FMO5: variants seen among roughly 807,000 people sequenced by gnomAD.
The protein encoded by FMO5 is flavin-containing monooxygenase 5.
FMO5 carries 51 observed loss-of-function variants against 43.6 expected under a neutral mutation model. The ratio of observed to expected loss-of-function variants is 1.17; its 90% CI spans 0.93 to 1.48. The LOEUF is 1.48. Ranked by LOEUF, FMO5 falls within the 40% of genes most tolerant of loss-of-function variation. The probability of loss-of-function intolerance (pLI) is 0.00; values close to 1 mark genes in which losing one functional copy is unlikely to be tolerated. For synonymous variants in FMO5, 187 were observed against 216.5 expected (o/e 0.86, Z 1.20); for missense variants, 644 against 643.0 (o/e 1.00, Z -0.02).
intron 7 of FMO5, among the ~76,000 whole-genome samples, chr1:147,194,336 C>CT (rs1243798991): frequency 6.6e-6 from 1 of 151,920 alleles, no homozygotes; most frequent in Non-Finnish European, 1.5e-5. Context: ...CAACCCCTGC[C>CT]TTTTTTTGTT....
At chr1:147,219,789 G>A (rs1188350236) in intron 2 of FMO5, among the ~76,000 whole-genome samples, 2 of 149,860 alleles carry the variant, frequency 1.3e-5, no homozygotes, top group Non-Finnish European at 3.0e-5. Context: ...GAGTCAACAA[G>A]TGAGTACAGC....
At chr1:147,220,057 C>T (rs782369041) in intron 2 of FMO5, among the ~76,000 whole-genome samples, 9 of 152,102 alleles carry the variant, frequency 5.9e-5, no homozygotes, top group Non-Finnish European at 2.9e-5. Flanking sequence ...CCAGGCTGGT[C>T]TCGATCTCCT....
chr1:147,208,156 T>TCTATTA (rs1660419692), intron 6 of FMO5, among the ~76,000 whole-genome samples: 1 of 152,332 alleles, frequency 6.6e-6, no homozygotes, highest in African/African-American at 2.4e-5. Context: ...GAGTGTTATT[T>TCTATTA]CTATTACTAT....
At chr1:147,225,135 TG>T in intron 1 of FMO5, 69 bp from the exon 2 acceptor site, 1 of 1,576,104 alleles carries the variant, frequency 6.3e-7, no homozygotes, top group South Asian at 1.2e-5. Flanking sequence ...ACCTTGGCCG[TG>T]GCATTCGAAT....
intron 6 of FMO5, chr1:147,204,206 G>A: frequency 2.2e-6 from 3 of 1,380,450 alleles, no homozygotes; most frequent in Non-Finnish European, 3.1e-6. Flanking sequence ...AAAAGGACAA[G>A]AGTACACTGC....
chr1:147,211,520 C>T (rs1553923730), intron 5 of FMO5: 1 of 152,116 alleles, frequency 6.6e-6, no homozygotes, highest in Non-Finnish European at 1.5e-5. Flanking sequence ...AGTCATTTAA[C>T]AGAATTGTAG....
chr1:147,219,533 A>T (rs1323083083), intron 2 of FMO5, among the ~76,000 whole-genome samples: 4 of 152,170 alleles, frequency 2.6e-5, no homozygotes, highest in Admixed American at 6.5e-5. Context: ...ATCATACTTA[A>T]CAGTGAGAAA....
intron 6 of FMO5, among the ~76,000 whole-genome samples, chr1:147,202,128 C>T (rs1423529935): frequency 1.3e-5 from 2 of 152,086 alleles, no homozygotes; most frequent in African/African-American, 4.8e-5. Context: ...GAATTTATCT[C>T]AAAGTTGTTT....
intron 7 of FMO5, among the ~76,000 whole-genome samples, chr1:147,190,681 T>TTC (rs28381215): frequency 0.037 from 5,604 of 152,150 alleles, 152 homozygotes; most frequent in South Asian, 0.095. Flanking sequence ...TAAAAATAAA[T>TTC]TTTTTGTTTT....
chr1:147,218,796 TC>T (rs1367041711), intron 2 of FMO5, among the ~76,000 whole-genome samples: 14 of 152,232 alleles, frequency 9.2e-5, no homozygotes, highest in African/African-American at 3.4e-4. Context: ...CTTTAAACCT[TC>T]GTAAATATTA....
intron 2 of FMO5, among the ~76,000 whole-genome samples, chr1:147,217,580 A>G (rs888526076): frequency 5.3e-5 from 8 of 152,168 alleles, no homozygotes; most frequent in Admixed American, 6.5e-5. Context: ...TTATTGCTTA[A>G]TTATTCAATC....
At chr1:147,201,584 G>A (rs1161761046) in intron 6 of FMO5, 80 bp from the exon 7 acceptor site, 5 of 1,065,128 alleles carry the variant, frequency 4.7e-6, no homozygotes, top group Non-Finnish European at 5.6e-6. Flanking sequence ...TTGCTTTGGT[G>A]GAGGTAAACA....
intron 2 of FMO5, among the ~76,000 whole-genome samples, 159 bp downstream of exon 2, chr1:147,224,736 G>C (rs1286919456): frequency 1.3e-5 from 2 of 151,946 alleles, no homozygotes; most frequent in Admixed American, 6.6e-5. Context: ...GGTCTCGATC[G>C]CCTGACCTCG....
Position 147,203,728 on chromosome 1 carries a change from A to G in FMO5, c.831-2224T>C, listed in dbSNP as rs782487705. On this transcript the variant is annotated intron_variant, in intron 6 of 8. Coordinates refer to ENST00000254090, the MANE Select transcript of FMO5 (RefSeq NM_001461.4). Reference sequence around the variant, plus strand: ...TGGGTACAAGACGTTTATCCCTTGTAAGAACTTTGAAAGTATTAACACCAT... The same window carrying G: ...TGGGTACAAGACGTTTATCCCTTGTGAGAACTTTGAAAGTATTAACACCAT... 413 of 1,533,074 alleles carry G rather than the reference A, an allele frequency of 2.7e-4. 1 individual carries two copies. The highest frequency in any genetic ancestry group is 1.6e-3 in the South Asian group (146 of 89,446). The allele number at this position is 1,533,074 out of a possible 1,614,324, so 95.0% of individuals were successfully genotyped here.
intron 6 of FMO5, chr1:147,203,595 C>T (rs1659438003): frequency 9.0e-7 from 1 of 1,114,210 alleles, no homozygotes; most frequent in East Asian, 2.4e-5. Context: ...CGGGGAATAG[C>T]TTCAAACGCC....
chr1:147,204,572 T>G (rs1659627314), intron 6 of FMO5: 1 of 1,589,516 alleles, frequency 6.3e-7, no homozygotes, highest in African/African-American at 1.3e-5. Flanking sequence ...GACAGGCCAA[T>G]CCTCAGAAGT....
At chr1:147,199,629 A>G (rs1553920489) in intron 7 of FMO5, among the ~76,000 whole-genome samples, 1 of 152,202 alleles carries the variant, frequency 6.6e-6, no homozygotes, top group Non-Finnish European at 1.5e-5. Flanking sequence ...GCCTGTTTTA[A>G]TGAACTGTTC....
chr1:147,213,610 A>ATTTGTGG, intron 3 of FMO5, 140 bp from the exon 4 acceptor site: 2 of 696,842 alleles, frequency 2.9e-6, no homozygotes, highest in Non-Finnish European at 4.4e-6. Context: ...CTCCACAAAT[A>ATTTGTGG]AGAACTGTTT....
At position 147,204,077 on chromosome 1, in the gene FMO5, G is replaced by C; in HGVS notation, c.831-2573C>G. On this transcript the variant is annotated intron_variant, in intron 6 of 8. Coordinates refer to ENST00000254090, the MANE Select transcript of FMO5 (RefSeq NM_001461.4). ...ACCTGTTACTACAACATTTGCACCA[G>C]TATCAGCAATAGCTTTGACTTATGC... 1.3e-5 allele frequency: 15 copies of C among 1,127,252 alleles called. 1 individual carries two copies. The South Asian group carries it at 1.8e-4, about 14-fold the overall frequency. 69.8% of individuals were successfully genotyped at this position (1,127,252 alleles called of 1,614,324 possible). A position where few individuals can be genotyped will look rare whatever the true frequency, so the allele number is the denominator to read the frequency against.
Sources: allele counts gnomAD v4.1 joint callset (sites outside exome capture counted in the v4.1 genomes callset), GRCh38; gene constraint gnomAD v4.1.1; transcripts MANE v1.5; gene names NCBI Gene and HGNC (gene_info 2026-07-23, HGNC 2026-07-21).